The following AKAP10 variants were observed in gnomAD, a reference collection of about 807,000 sequenced individuals.
AKAP10 encodes the protein A-kinase anchoring protein 10.
Under a neutral mutation model 80.8 loss-of-function variants are expected in AKAP10, and 24 were observed. The ratio of observed to expected loss-of-function variants is 0.30; its 90% CI spans 0.22 to 0.42. The LOEUF is 0.42. Ranked by LOEUF, AKAP10 falls within the 10% of genes least tolerant of loss-of-function variation. The pLI is 1.00. For missense variants in AKAP10, 661 were observed against 794.9 expected (o/e 0.83, Z 2.03); for synonymous variants, 291 against 277.7 (o/e 1.05, Z -0.48).
intron 7 of AKAP10, 83 bp downstream of exon 7, chr17:19,940,804 T>C: frequency 2.8e-6 from 4 of 1,422,462 alleles, no homozygotes; most frequent in Non-Finnish European, 2.8e-6. Context: ...TCTTCTGTGT[T>C]ATTTCCTATA....
At chr17:19,934,335 C>T (rs1006454553) in intron 9 of AKAP10, among the ~76,000 whole-genome samples, 4 of 152,228 alleles carry the variant, frequency 2.6e-5, no homozygotes, top group African/African-American at 9.6e-5. Flanking sequence ...TCTAAGCTAA[C>T]GTTGCGGCAT....
intron 14 of AKAP10, among the ~76,000 whole-genome samples, chr17:19,908,296 T>C (rs988609592): frequency 2.0e-5 from 3 of 152,210 alleles, no homozygotes; most frequent in African/African-American, 7.2e-5. Context: ...CTTTGAAACT[T>C]GGTTCAGGTG....
At chr17:19,918,696 A>C (rs2042777176) in intron 12 of AKAP10, among the ~76,000 whole-genome samples, 2 of 152,210 alleles carry the variant, frequency 1.3e-5, no homozygotes. Flanking sequence ...TTACTCAATA[A>C]AATACTGTCA....
rs778813662 is a variant in AKAP10, at chr17:19,906,230, T to C, written c.1986A>G (p.Leu662=). 1 of 1,606,902 alleles carries C rather than the reference T, an allele frequency of 6.2e-7. No homozygotes were observed. Among genetic ancestry groups the C allele is most frequent in the Admixed American group, 1.7e-5 (1 of 59,648 alleles). ...YDQPLEKSTK[L] ...TTCCTTTATCTCAAGTTTTGAGTCATAACTGAAAAAAGAAAAGAAAAGAAA... is the reference window on the plus strand; with the variant it reads ...TTCCTTTATCTCAAGTTTTGAGTCACAACTGAAAAAAGAAAAGAAAAGAAA... Residue 662 remains leucine (L), a splice_region_variant and synonymous_variant, in exon 15 of 15, where the codon TTA becomes TTG. Transcript: ENST00000225737.
At chr17:19,939,513 C>A (rs1444881105) in intron 8 of AKAP10, among the ~76,000 whole-genome samples, 200 bp downstream of exon 8, 2 of 152,146 alleles carry the variant, frequency 1.3e-5, no homozygotes, top group African/African-American at 2.4e-5. Context: ...CTGTTTACCC[C>A]ACATACACCT....
In AKAP10 at chr17:19,947,985, C is replaced by CAAA. The variant is rs35869599; in HGVS notation, c.878-483_878-481dup. 6.3e-4 allele frequency among the ~76,000 whole-genome samples: 65 copies of CAAA among 103,226 alleles called. 1 individual carries two copies. Among genetic ancestry groups the CAAA allele is most frequent in the Middle Eastern group, 5.3e-3 (1 of 190 alleles). 67.7% of individuals were successfully genotyped at this position (103,226 alleles called of 152,430 possible). A position where few individuals can be genotyped will look rare whatever the true frequency, so the allele number is the denominator to read the frequency against. On this transcript the variant is annotated intron_variant, in intron 4 of 14. Coordinates refer to ENST00000225737, the MANE Select transcript of AKAP10 (RefSeq NM_007202.4). ...CAAAGGACAGAGTGAGACTCCGTCT[C>CAAA]AAAAAAAAAAAAAAAGTCAAGTATT...
intron 2 of AKAP10, among the ~76,000 whole-genome samples, chr17:19,965,823 T>G (rs1262644240): frequency 6.6e-6 from 1 of 152,160 alleles, no homozygotes. Flanking sequence ...GGACCTACTA[T>G]ATACCAGGCA....
At chr17:19,916,873 C>T (rs1258713956) in intron 12 of AKAP10, among the ~76,000 whole-genome samples, 1 of 151,610 alleles carries the variant, frequency 6.6e-6, no homozygotes, top group East Asian at 1.9e-4. Flanking sequence ...GCAGGCAGAG[C>T]TTGCAGTGAG....
rs927029478 is a variant in AKAP10 at position 19,937,976 on chromosome 17, T to C, written c.1323-1546A>G. Among the ~76,000 whole-genome samples the C allele has an allele frequency of 6.2e-5, 8 of 128,472 alleles. No homozygotes were observed. The East Asian group carries it at 9.9e-4, about 16-fold the overall frequency. 84.3% of individuals were successfully genotyped at this position (128,472 alleles called of 152,430 possible). ...TTCTGAGACAGGGGGACTGGAAACC[T>C]TTTTTTTTTTTTTTTTTTTGAGATG... is the stretch of plus-strand genomic sequence containing the variant. On this transcript the variant is annotated intron_variant, in intron 8 of 14. Transcript: ENST00000225737.
rs754299968 is a variant in AKAP10 at position 19,962,905 on chromosome 17, C to T, written c.254G>A (p.Ser85Asn). 4 of 1,614,098 alleles carry T rather than the reference C, an allele frequency of 2.5e-6. No individual in the cohort carries two copies. The highest frequency in any genetic ancestry group is 1.7e-6 in the Non-Finnish European group (2 of 1,179,984). Residue 85 changes from serine to asparagine, a missense_variant, in exon 3 of 15, where the codon AGT becomes AAT. By Grantham distance (46) the Ser-to-Asn change is conservative (BLOSUM62 1). Transcript: ENST00000225737. ...CTTCTTAAGTGTGGCTGTCCTGCTACTTGAAAAGGAGTCCATGTTGGCAGA... is the reference window on the plus strand; with the variant it reads ...CTTCTTAAGTGTGGCTGTCCTGCTATTTGAAAAGGAGTCCATGTTGGCAGA... ...AISANMDSFSSSRTATLKKQP... is the reference protein window; with the variant it reads ...AISANMDSFSNSRTATLKKQP...
Position 19,924,516 on chromosome 17 carries a change from G to A in AKAP10, c.1643C>T (p.Ser548Phe), listed in dbSNP as rs983103586. The A allele has an allele frequency of 6.3e-7, 1 of 1,575,282 alleles. No individual in the cohort carries two copies. Among genetic ancestry groups the A allele is most frequent in the African/African-American group, 1.4e-5 (1 of 73,694 alleles). The change falls in exon 11 of 15, where the codon TCC becomes TTC. Residue 548 changes from serine to phenylalanine, a missense_variant and splice_region_variant. Physicochemically the swap from Ser to Phe is radical, Grantham distance 155. Transcript: ENST00000225737. ...PGSSDSSASQ[S>F]SVKKASIKIL... ...TTTAATACTGGCTTTTTTCACACTGGACTACAATAGAAATTGTAAAATTAG... is the reference window on the plus strand; with the variant it reads ...TTTAATACTGGCTTTTTTCACACTGAACTACAATAGAAATTGTAAAATTAG...
chr17:19,946,154 A>G (rs1306873459), intron 5 of AKAP10, among the ~76,000 whole-genome samples: 2 of 115,548 alleles, frequency 1.7e-5, no homozygotes, highest in African/African-American at 6.7e-5. Flanking sequence ...ATTAGTATAT[A>G]TACTAATATA....
intron 5 of AKAP10, among the ~76,000 whole-genome samples, chr17:19,946,254 TATATATATATATA>T (rs2043120116): frequency 4.0e-5 from 1 of 24,816 alleles, no homozygotes; most frequent in African/African-American, 1.6e-4. Context: ...TATATATATA[TATATATATATATA>T]TATATATATT....
intron 14 of AKAP10, among the ~76,000 whole-genome samples, chr17:19,906,947 T>C (rs182867333): frequency 6.6e-6 from 1 of 152,264 alleles, no homozygotes; most frequent in East Asian, 1.9e-4. Flanking sequence ...ACTAAAGTAG[T>C]CACCTGCAAA....
intron 9 of AKAP10, 144 bp downstream of exon 9, chr17:19,936,142 A>C: frequency 1.1e-6 from 1 of 887,784 alleles, no homozygotes; most frequent in South Asian, 2.0e-5. Context: ...ATACCAGGCC[A>C]GACTCAAGGC....
intron 14 of AKAP10, among the ~76,000 whole-genome samples, chr17:19,907,832 G>T (rs1258008267): frequency 6.6e-6 from 1 of 151,654 alleles, no homozygotes; most frequent in Non-Finnish European, 1.5e-5. Flanking sequence ...TCAACTTCAT[G>T]TCATGCTTGG....
chr17:19,967,733 A>G, intron 2 of AKAP10, among the ~76,000 whole-genome samples: 1 of 151,998 alleles, frequency 6.6e-6, no homozygotes, highest in East Asian at 1.9e-4. Context: ...AAATACAAAA[A>G]TTAGCTGGGC....
At chr17:19,934,144 C>G (rs545188553) in intron 9 of AKAP10, among the ~76,000 whole-genome samples, 1 of 152,270 alleles carries the variant, frequency 6.6e-6, no homozygotes, top group South Asian at 2.1e-4. Context: ...TGGTCTCAAA[C>G]TCCTGACCTC....
rs1336252538 is a variant in AKAP10, at chr17:19,904,343, C to A, written c.*1884G>T. Reference sequence around the variant, plus strand: ...TTATAAGCAGTTTACAACTACTTGGCATCTCTAGCTCAGAAGCACAAAATG... The same window carrying A: ...TTATAAGCAGTTTACAACTACTTGGAATCTCTAGCTCAGAAGCACAAAATG... On this transcript the variant is annotated 3_prime_UTR_variant, in exon 15 of 15. Coordinates refer to ENST00000225737, the MANE Select transcript of AKAP10 (RefSeq NM_007202.4). 1 of 152,186 alleles carries A rather than the reference C, an allele frequency of 6.6e-6. No individual in the cohort carries two copies. Among genetic ancestry groups the A allele is most frequent in the African/African-American group, 2.4e-5 (1 of 41,444 alleles). 9.4% of individuals were successfully genotyped at this position (152,186 alleles called of 1,614,324 possible). A position where few individuals can be genotyped will look rare whatever the true frequency, so the allele number is the denominator to read the frequency against.
Sources: allele counts gnomAD v4.1 joint callset (sites outside exome capture counted in the v4.1 genomes callset), GRCh38; gene constraint gnomAD v4.1.1; transcripts MANE v1.5; gene names NCBI Gene and HGNC (gene_info 2026-07-23, HGNC 2026-07-21).